The following MEGF6 variants were observed in gnomAD, a reference collection of about 807,000 sequenced individuals.
The protein encoded by MEGF6 is multiple epidermal growth factor-like domains protein 6.
In MEGF6, 184 loss-of-function variants were observed where a neutral mutation model predicts 207.1. That is an observed-to-expected ratio of 0.89 (90% CI 0.79 to 1.00). MEGF6 has a LOEUF of 1.00. MEGF6 is among the 50% of genes least tolerant of loss of function. The pLI is 0.00. For missense variants in MEGF6, 2,282 were observed against 2,202.9 expected (o/e 1.04, Z -0.72); for synonymous variants, 1,038 against 910.0 (o/e 1.14, Z -2.53).
intron 3 of MEGF6, among the ~76,000 whole-genome samples, chr1:3,582,006 C>A (rs907655883): frequency 2.0e-4 from 30 of 152,226 alleles, no homozygotes; most frequent in African/African-American, 7.2e-4. Flanking sequence ...AAAATCCCAG[C>A]CAGATCCAGC....
At chr1:3,500,789 G>C in intron 20 of MEGF6, 25 bp from the exon 21 acceptor site, 1 of 1,601,584 alleles carries the variant, frequency 6.2e-7, no homozygotes. Flanking sequence ...AGGGTCACCC[G>C]GCGCAGGCCC....
rs1212307498 is a variant in MEGF6, at chr1:3,498,363, C to T, written c.3352+8G>A. 5 of 1,599,268 alleles carry T rather than the reference C, an allele frequency of 3.1e-6. No individual in the cohort carries two copies. Among genetic ancestry groups the T allele is most frequent in the Middle Eastern group, 1.8e-4 (1 of 5,684 alleles). On this transcript the variant is annotated splice_region_variant and intron_variant, in intron 26 of 36. Coordinates refer to ENST00000356575, the MANE Select transcript of MEGF6 (RefSeq NM_001409.4). ...CTGCAGACCCCCCTGCTGCCCCGCC[C>T]CACTCACGGCTCTGACACTTGTCCC...
chr1:3,546,351 C>G (rs1488427794), intron 4 of MEGF6, among the ~76,000 whole-genome samples: 1 of 152,238 alleles, frequency 6.6e-6, no homozygotes, highest in Non-Finnish European at 1.5e-5. Context: ...CTTGCCTGAG[C>G]CATCCCTGCC....
At chr1:3,548,396 G>GCCGTCT (rs1329731957) in intron 4 of MEGF6, among the ~76,000 whole-genome samples, 1 of 152,258 alleles carries the variant, frequency 6.6e-6, no homozygotes, top group Admixed American at 6.5e-5. Flanking sequence ...ATGCAGGCCA[G>GCCGTCT]CCGTCTCCGG....
chr1:3,514,777 C>CA (rs1386076890), intron 6 of MEGF6, 105 bp from the exon 7 acceptor site: 32 of 1,292,484 alleles, frequency 2.5e-5, no homozygotes, highest in Non-Finnish European at 3.2e-5. Flanking sequence ...GTGCTCTCCC[C>CA]ACTCTGTGCT....
intron 2 of MEGF6, among the ~76,000 whole-genome samples, chr1:3,600,885 G>A (rs1244801770): frequency 6.6e-6 from 1 of 152,212 alleles, no homozygotes; most frequent in Non-Finnish European, 1.5e-5. Flanking sequence ...GAACAGCCCA[G>A]GGTCCTCGGA....
chr1:3,569,548 A>T (rs1003359179), intron 4 of MEGF6, among the ~76,000 whole-genome samples: 1 of 152,254 alleles, frequency 6.6e-6, no homozygotes, highest in Admixed American at 6.5e-5. Context: ...TGGAGGCTGA[A>T]GGTCTCTGAC....
Position 3,500,701 on chromosome 1 carries a change from C to T in MEGF6, c.2639G>A (p.Gly880Glu). ...SHPCNCSAGH[G>E]SCDAISGLCL... Reference sequence around the variant, plus strand: ...CAGGCCGCTGATGGCATCACAGCTCCCGTGGCCAGCGCTGCAGTTGCAGGG... The same window carrying T: ...CAGGCCGCTGATGGCATCACAGCTCTCGTGGCCAGCGCTGCAGTTGCAGGG... Residue 880 changes from glycine to glutamate, a missense_variant, in exon 21 of 37, where the codon GGG (glycine) becomes GAG (glutamate). By Grantham distance (98) the Gly-to-Glu change is moderately conservative. Coordinates refer to ENST00000356575, the MANE Select transcript of MEGF6 (RefSeq NM_001409.4). 6.3e-7 allele frequency: 1 copy of T among 1,586,734 alleles called. No homozygotes were observed. Among genetic ancestry groups the T allele is most frequent in the Non-Finnish European group, 8.6e-7 (1 of 1,166,940 alleles).
At chr1:3,615,100 C>T (rs965080544), upstream of MEGF6, among the ~76,000 whole-genome samples, 3 of 152,246 alleles carry the variant, frequency 2.0e-5, no homozygotes, top group Non-Finnish European at 2.9e-5. Context: ...AATTCCCATC[C>T]GTCATTCTTC....
chr1:3,592,320 C>T (rs548708316), intron 3 of MEGF6, among the ~76,000 whole-genome samples: 5 of 152,178 alleles, frequency 3.3e-5, no homozygotes, highest in Non-Finnish European at 4.4e-5. Flanking sequence ...CCAGGCCCCC[C>T]GCTGACCCTG....
intron 5 of MEGF6, among the ~76,000 whole-genome samples, chr1:3,515,972 C>G (rs1048394032): frequency 6.6e-6 from 1 of 152,232 alleles, no homozygotes; most frequent in Non-Finnish European, 1.5e-5. Flanking sequence ...AGGCATCTCA[C>G]CATCGTGGTC....
At chr1:3,517,415 T>C (rs1641583777) in intron 5 of MEGF6, among the ~76,000 whole-genome samples, 1 of 152,190 alleles carries the variant, frequency 6.6e-6, no homozygotes, top group Admixed American at 6.5e-5. Context: ...GCCTGTCCTC[T>C]TGCCACTCCA....
At chr1:3,613,133 G>A (rs114174318), upstream of MEGF6, among the ~76,000 whole-genome samples, 633 of 152,318 alleles carry the variant, frequency 4.2e-3, 5 homozygotes, top group African/African-American at 0.015. Flanking sequence ...ACCAGTTGGT[G>A]CCCCCGTTGC....
chr1:3,612,125 C>T (rs539819838), upstream of MEGF6, among the ~76,000 whole-genome samples: 347 of 152,336 alleles, frequency 2.3e-3, 1 homozygote, highest in African/African-American at 7.8e-3. Flanking sequence ...CCGCGTGCAC[C>T]CTGGACACCC....
chr1:3,506,263 C>T (rs1641114393), intron 14 of MEGF6, 27 bp from the exon 15 acceptor site: 1 of 1,602,868 alleles, frequency 6.2e-7, no homozygotes, highest in Non-Finnish European at 8.5e-7. Flanking sequence ...TCCATGTGAA[C>T]CTTGGTGGCA....
intron 17 of MEGF6, among the ~76,000 whole-genome samples, chr1:3,504,541 C>T (rs1411995103): frequency 6.6e-6 from 1 of 152,032 alleles, no homozygotes; most frequent in Non-Finnish European, 1.5e-5. Flanking sequence ...ACCTTCCCAG[C>T]CCTCTTGGCA....
chr1:3,524,473 G>A (rs1050997876), intron 4 of MEGF6, among the ~76,000 whole-genome samples: 1 of 152,236 alleles, frequency 6.6e-6, no homozygotes, highest in Non-Finnish European at 1.5e-5. Context: ...CTCGAGGGCC[G>A]GCCAGAAGGT....
rs1643153358 is a variant in MEGF6 at position 3,560,090 on chromosome 1, G to T, written c.481+19735C>A. Among the ~76,000 whole-genome samples the T allele has an allele frequency of 6.7e-6, 1 of 149,682 alleles. No individual in the cohort carries two copies. The highest frequency in any genetic ancestry group is 2.4e-5 in the African/African-American group (1 of 40,980). On this transcript the variant is annotated intron_variant, in intron 4 of 36. Coordinates refer to ENST00000356575, the MANE Select transcript of MEGF6 (RefSeq NM_001409.4). The surrounding 1 kb of genome is among the most constrained non-coding windows in gnomAD (Gnocchi z 4.0). ...GTCGGGAGGTGCTCTCAGGGCAGGA[G>T]AGGGCCTGGCAAGGTTAGTCCCAGA...
At position 3,498,694 on chromosome 1, in the gene MEGF6, T is replaced by C; in HGVS notation, c.3223+4A>G. On this transcript the variant is annotated splice_donor_region_variant and intron_variant, in intron 25 of 36. Coordinates refer to ENST00000356575, the MANE Select transcript of MEGF6 (RefSeq NM_001409.4). Reference sequence around the variant, plus strand: ...ATGTCCCTCCTCTGCCGCCCAGCGCTCACCCTTCTCACAGGCCAGGCCGGC... The same window carrying C: ...ATGTCCCTCCTCTGCCGCCCAGCGCCCACCCTTCTCACAGGCCAGGCCGGC... The C allele has an allele frequency of 6.4e-7, 1 of 1,561,696 alleles. No individual in the cohort carries two copies. The highest frequency in any genetic ancestry group is 8.7e-7 in the Non-Finnish European group (1 of 1,155,774).
Sources: gnomAD v4.1 joint callset for allele counts (sites outside exome capture counted in the v4.1 genomes callset) on GRCh38, gnomAD v4.1.1 for gene constraint, Gnocchi (gnomAD v3.1) non-coding constraint, MANE v1.5 for transcripts, NCBI Gene and HGNC (gene_info 2026-07-23, HGNC 2026-07-21) for gene names.